Variants in LRRC27 observed in about 807,000 individuals in gnomAD.
LRRC27 encodes the protein leucine rich repeat containing 27.
A neutral mutation model predicts 55.0 loss-of-function variants in LRRC27; 57 were observed. That is an observed-to-expected ratio of 1.04 (90% CI 0.84 to 1.29). The LOEUF is 1.29. LRRC27 is among the 50% of genes most tolerant of loss of function. LRRC27 has a pLI of 0.00. For missense variants in LRRC27, 721 were observed against 651.5 expected, an observed-to-expected ratio of 1.11 and a Z score of -1.16; for synonymous variants, 278 against 251.9, an observed-to-expected ratio of 1.10 and a Z score of -0.98.
Position 132,372,900 on chromosome 10 carries a change from G to A in LRRC27, c.1417-2166G>A, listed in dbSNP as rs1388944811. ...GCCAGCAGCCCACCACCGACACCCCGATCTCAGCCTCGTTCCAGGGCCTCA... is the reference window on the plus strand; with the variant it reads ...GCCAGCAGCCCACCACCGACACCCCAATCTCAGCCTCGTTCCAGGGCCTCA... On this transcript the variant is annotated intron_variant, in intron 10 of 10. Transcript: ENST00000368614. The surrounding 1 kb of genome is among the most constrained non-coding windows in gnomAD (Gnocchi z 4.0). 2.6e-5 allele frequency among the ~76,000 whole-genome samples: 4 copies of A among 152,136 alleles called. No homozygotes were observed. Among genetic ancestry groups the A allele is most frequent in the Middle Eastern group, 3.2e-3 (1 of 316 alleles).
chr10:132,372,157 A>C lies in LRRC27; in HGVS notation c.1417-2909A>C, dbSNP rs1040471967. ...CTCACGCCTGCAATCCCAGTTGAAA[A>C]GCACAGGAAGACAAAACCAACCACA... On this transcript the variant is annotated intron_variant, in intron 10 of 10. Transcript: ENST00000368614. This position sits in a 1 kb window ranked among gnomAD's most constrained non-coding sequence, Gnocchi z 4.0. Among the ~76,000 whole-genome samples, 1 of 147,010 alleles carries C rather than the reference A, an allele frequency of 6.8e-6. No homozygotes were observed. Among genetic ancestry groups the C allele is most frequent in the African/African-American group, 2.6e-5 (1 of 38,944 alleles).
rs537377431 is a variant in LRRC27, at chr10:132,374,338, G to T, written c.1417-728G>T. 2.6e-5 allele frequency among the ~76,000 whole-genome samples: 4 copies of T among 152,132 alleles called. No homozygotes were observed. The highest frequency in any genetic ancestry group is 9.7e-5 in the African/African-American group (4 of 41,436). ...CAAGCCGGGGAGGGAGACGGGAGCC[G>T]GGTGGCCCAGGGCTCCTGTGCTTGG... On this transcript the variant is annotated intron_variant, in intron 10 of 10. Transcript: ENST00000368614. This position sits in a 1 kb window ranked among gnomAD's most constrained non-coding sequence, Gnocchi z 4.4.
intron 10 of LRRC27, among the ~76,000 whole-genome samples, chr10:132,370,619 G>A (rs1459298787): frequency 6.6e-5 from 10 of 152,234 alleles, no homozygotes; most frequent in Admixed American, 4.6e-4. Context: ...GGGCGGGTGG[G>A]CCAGGGGAGA....
rs528670822 is a variant in LRRC27 at position 132,365,488 on chromosome 10, A to G, written c.1354A>G (p.Arg452Gly). The change falls in exon 10 of 11, where the codon AGA (arginine) becomes GGA (glycine). Residue 452 changes from arginine (R) to glycine (G), a missense_variant. By Grantham distance (125) the Arg-to-Gly change is moderately radical. Coordinates refer to ENST00000368614, the MANE Select transcript of LRRC27 (RefSeq NM_030626.3). ...GCACGTCCTCCAAATGCGTGAGCAA[A>G]GAAGATTCCATGGCCAGGCCCCACT... The part of the protein sequence containing the change: ...KQHVLQMREQ[R>G]RFHGQAPLEE... 118 of 1,613,756 alleles carry G rather than the reference A, an allele frequency of 7.3e-5. 1 individual carries two copies. The South Asian group carries it at 1.2e-3, about 17-fold the overall frequency.
Position 132,375,691 on chromosome 10 carries a change from A to G in LRRC27, c.*449A>G, listed in dbSNP as rs1271766907. The G allele has an allele frequency of 6.5e-6, 1 of 154,048 alleles. No individual in the cohort carries two copies. The highest frequency in any genetic ancestry group is 1.4e-5 in the Non-Finnish European group (1 of 69,368). 9.5% of individuals were successfully genotyped at this position (154,048 alleles called of 1,614,324 possible). A position where few individuals can be genotyped will look rare whatever the true frequency, so the allele number is the denominator to read the frequency against. On this transcript the variant is annotated 3_prime_UTR_variant, in exon 11 of 11. Transcript: ENST00000368614. ...GGCTAGGAGGGAGGGGTGACAGCCAAAAAGGGCTTCGGGGGAGTGGTTACC... is the reference window on the plus strand; with the variant it reads ...GGCTAGGAGGGAGGGGTGACAGCCAGAAAGGGCTTCGGGGGAGTGGTTACC...
chr10:132,336,997 G>C, intron 2 of LRRC27: 1 of 927,232 alleles, frequency 1.1e-6, no homozygotes, highest in Non-Finnish European at 1.5e-6. Context: ...ACTTTACAAC[G>C]CCACCGAGTT....
chr10:132,347,498 G>A (rs1039011416), intron 5 of LRRC27, among the ~76,000 whole-genome samples: 1 of 151,790 alleles, frequency 6.6e-6, no homozygotes, highest in African/African-American at 2.4e-5. Context: ...GTGTGGGAAG[G>A]TCACGCATGT....
intron 7 of LRRC27, among the ~76,000 whole-genome samples, chr10:132,355,089 G>GT (rs2068248019): frequency 1.3e-5 from 2 of 152,160 alleles, no homozygotes; most frequent in African/African-American, 2.4e-5. Context: ...GTTTTGTTTT[G>GT]TTTTTTGAGA....
chr10:132,378,621 G>A lies in LRRC27; in HGVS notation c.*3379G>A, dbSNP rs72863843. ...CTGTACATCAGGCTAGATGCCTCCT[G>A]TCTACGTGGTTTTAGATTTACGAAT... On this transcript the variant is annotated 3_prime_UTR_variant, in exon 11 of 11. Transcript: ENST00000368614. 0.15 allele frequency: 22,209 copies of A among 152,210 alleles called. 2,157 individuals are homozygous for A. Among genetic ancestry groups the A allele is most frequent in the Middle Eastern group, 0.22 (67 of 298 alleles). 9.4% of individuals were successfully genotyped at this position (152,210 alleles called of 1,614,324 possible).
At chr10:132,356,391 C>T (rs2132996567) in intron 8 of LRRC27, among the ~76,000 whole-genome samples, 1 of 152,080 alleles carries the variant, frequency 6.6e-6, no homozygotes, top group Middle Eastern at 3.4e-3. Flanking sequence ...CATGGGATAT[C>T]CTGAGTACCA....
rs1449564548 is a variant in LRRC27 at position 132,379,548 on chromosome 10, T to A, written c.*4306T>A. On this transcript the variant is annotated 3_prime_UTR_variant, in exon 11 of 11. Transcript: ENST00000368614. Reference sequence around the variant, plus strand: ...CATGCCATCCACCTTTTCCACTAGATCCTTTTACATCATCATTATAATGAT... The same window carrying A: ...CATGCCATCCACCTTTTCCACTAGAACCTTTTACATCATCATTATAATGAT... The A allele has an allele frequency of 6.6e-6, 1 of 152,296 alleles. No individual in the cohort carries two copies. The highest frequency in any genetic ancestry group is 6.5e-5 in the Admixed American group (1 of 15,290). 9.4% of individuals were successfully genotyped at this position (152,296 alleles called of 1,614,324 possible).
intron 10 of LRRC27, among the ~76,000 whole-genome samples, chr10:132,369,277 C>T (rs2069162485): frequency 6.6e-6 from 1 of 152,166 alleles, no homozygotes; most frequent in Non-Finnish European, 1.5e-5. Context: ...GGTGTTTACC[C>T]AAAGGAGATG....
At chr10:132,366,909 C>G in intron 10 of LRRC27, 1 of 1,285,506 alleles carries the variant, frequency 7.8e-7, no homozygotes, top group Non-Finnish European at 1.0e-6. Context: ...GAGACCCCAC[C>G]CAACCTGACT....
chr10:132,360,969 G>A (rs768589308), intron 8 of LRRC27, among the ~76,000 whole-genome samples: 7 of 152,330 alleles, frequency 4.6e-5, no homozygotes, highest in African/African-American at 7.2e-5. Context: ...CACTGGTCAC[G>A]CCGCCGTTGG....
At chr10:132,343,451 TCAAAGAA>T (rs1279254111) in intron 4 of LRRC27, among the ~76,000 whole-genome samples, 5 of 152,236 alleles carry the variant, frequency 3.3e-5, no homozygotes, top group Non-Finnish European at 5.9e-5. Context: ...AATTTACACT[TCAAAGAA>T]CAGAGAGAGA....
intron 3 of LRRC27, among the ~76,000 whole-genome samples, chr10:132,341,302 C>A (rs371113343): frequency 6.6e-6 from 1 of 151,518 alleles, no homozygotes; most frequent in Non-Finnish European, 1.5e-5. Context: ...GCCCAGGAGG[C>A]GGAGGTTGCA....
intron 2 of LRRC27, among the ~76,000 whole-genome samples, chr10:132,335,780 G>C (rs1025389475): frequency 1.4e-4 from 21 of 152,184 alleles, no homozygotes; most frequent in African/African-American, 5.1e-4. Flanking sequence ...ACAATGCATT[G>C]CAATCCCAGT....
intron 10 of LRRC27, among the ~76,000 whole-genome samples, chr10:132,365,802 T>C (rs144362701): frequency 1.9e-3 from 285 of 152,356 alleles, no homozygotes; most frequent in African/African-American, 6.4e-3. Flanking sequence ...TTTTGCCATG[T>C]TGGCCAGCCT....
At chr10:132,368,357 G>C (rs1414825169) in intron 10 of LRRC27, among the ~76,000 whole-genome samples, 1 of 152,176 alleles carries the variant, frequency 6.6e-6, no homozygotes, top group African/African-American at 2.4e-5. Flanking sequence ...GAGAGGATGA[G>C]ACCTAGAATA....
Sources: allele counts gnomAD v4.1 joint callset (sites outside exome capture counted in the v4.1 genomes callset), GRCh38; gene constraint gnomAD v4.1.1; non-coding constraint Gnocchi (gnomAD v3.1); transcripts MANE v1.5; gene names NCBI Gene and HGNC (gene_info 2026-07-23, HGNC 2026-07-21).